RPS6KC1: variants seen among roughly 807,000 people sequenced by gnomAD.
RPS6KC1 encodes inactive ribosomal protein S6 kinase delta-1.
A neutral mutation model predicts 103.8 loss-of-function variants in RPS6KC1; 54 were observed. The observed-to-expected ratio is 0.52, with a 90% CI of 0.42 to 0.65. The LOEUF is 0.65. RPS6KC1 is among the 30% of genes least tolerant of loss of function. The probability of loss-of-function intolerance (pLI) is 0.00; values close to 1 mark genes in which losing one functional copy is unlikely to be tolerated. For missense variants in RPS6KC1, 1,151 were observed against 1,253.8 expected, an observed-to-expected ratio of 0.92 and a Z score of 1.24; for synonymous variants, 439 against 438.7, an observed-to-expected ratio of 1.00 and a Z score of -0.01.
chr1:213,674,457 C>A, the RPS6KC1 span, among the ~76,000 whole-genome samples: 3 of 152,180 alleles, frequency 2.0e-5, no homozygotes, highest in Non-Finnish European at 2.9e-5. Flanking sequence ...CATGTTGATG[C>A]AGAGGACATG....
intron 9 of RPS6KC1, 128 bp downstream of exon 9, chr1:213,230,672 T>G: frequency 4.1e-6 from 2 of 487,772 alleles, no homozygotes; most frequent in South Asian, 7.4e-5. Flanking sequence ...CCGTTTCTAC[T>G]AAAAATACAA....
In RPS6KC1 at chr1:213,126,678, TA is replaced by T. The variant is rs2085026820; in HGVS notation, c.473-2842del. ...AATGGTTTTTGCATTTTTAAATAGT[TA>T]AAAAAATTAAAAGAATATGATTTTG... is the stretch of plus-strand genomic sequence containing the variant. On this transcript the variant is annotated intron_variant, in intron 5 of 14. Coordinates refer to ENST00000366960, the MANE Select transcript of RPS6KC1 (RefSeq NM_012424.6). Among the ~76,000 whole-genome samples, 3 of 152,260 alleles carry T rather than the reference TA, an allele frequency of 2.0e-5. 1 individual carries two copies. In the South Asian group the frequency reaches 6.2e-4, roughly 32 times the overall value.
chr1:213,444,709 A>C, the RPS6KC1 span, among the ~76,000 whole-genome samples: 12 of 131,116 alleles, frequency 9.2e-5, no homozygotes, highest in Non-Finnish European at 1.1e-4. Context: ...GTGCCATTGC[A>C]CTCCAGCCTG....
chr1:213,760,799 G>A, the RPS6KC1 span, among the ~76,000 whole-genome samples: 1 of 151,160 alleles, frequency 6.6e-6, no homozygotes. Context: ...AGGCTGAGCA[G>A]GACAGAATTT....
At chr1:213,638,459 T>C in the RPS6KC1 span, among the ~76,000 whole-genome samples, 1 of 152,158 alleles carries the variant, frequency 6.6e-6, no homozygotes, top group African/African-American at 2.4e-5. Flanking sequence ...GATTTTCTCC[T>C]ATGTCTTCTT....
At chr1:213,752,028 A>G in the RPS6KC1 span, among the ~76,000 whole-genome samples, 1 of 152,230 alleles carries the variant, frequency 6.6e-6, no homozygotes, top group African/African-American at 2.4e-5. Flanking sequence ...GGTTAACTAT[A>G]TCTAACCCTT....
intron 8 of RPS6KC1, among the ~76,000 whole-genome samples, chr1:213,223,478 G>C (rs1448472511): frequency 6.6e-6 from 1 of 152,004 alleles, no homozygotes; most frequent in Non-Finnish European, 1.5e-5. Flanking sequence ...CCATTCCTGA[G>C]TTACTTCACT....
chr1:213,860,360 G>T, the RPS6KC1 span, among the ~76,000 whole-genome samples: 1 of 151,538 alleles, frequency 6.6e-6, no homozygotes, highest in African/African-American at 2.4e-5. Flanking sequence ...AACAATTTCG[G>T]ATCTACTCTT....
At chr1:213,743,047 A>G in the RPS6KC1 span, among the ~76,000 whole-genome samples, 1 of 152,228 alleles carries the variant, frequency 6.6e-6, no homozygotes, top group Non-Finnish European at 1.5e-5. Flanking sequence ...TATATATCCA[A>G]AAGAAAATAG....
the RPS6KC1 span, among the ~76,000 whole-genome samples, chr1:213,472,413 T>A: frequency 6.6e-6 from 1 of 152,234 alleles, no homozygotes; most frequent in African/African-American, 2.4e-5. Flanking sequence ...AGCTTGACAT[T>A]ACATTGGACC....
chr1:213,072,806 T>A (rs1254116736), intron 2 of RPS6KC1: 4 of 222,298 alleles, frequency 1.8e-5, no homozygotes, highest in Non-Finnish European at 3.0e-5. Context: ...ATGGGTGTAT[T>A]TCCTTTGAAT....
chr1:213,602,134 C>CTTTCTTTCTTTCTT, the RPS6KC1 span, among the ~76,000 whole-genome samples: 18 of 53,762 alleles, frequency 3.3e-4, no homozygotes, highest in Non-Finnish European at 4.2e-4. Flanking sequence ...TTCTTTCTTT[C>CTTTCTTTCTTTCTT]TTTCTTTCTT....
At chr1:213,290,693 A>G in the RPS6KC1 span, among the ~76,000 whole-genome samples, 1 of 151,918 alleles carries the variant, frequency 6.6e-6, no homozygotes, top group African/African-American at 2.4e-5. Flanking sequence ...TCTAGTTGTG[A>G]CAAGGGCAGA....
At chr1:213,143,130 A>G (rs1474023562) in intron 6 of RPS6KC1, among the ~76,000 whole-genome samples, 3 of 152,180 alleles carry the variant, frequency 2.0e-5, no homozygotes, top group Non-Finnish European at 2.9e-5. Context: ...CATCCTTAAC[A>G]TATTCTATGG....
the RPS6KC1 span, among the ~76,000 whole-genome samples, chr1:213,479,624 T>C: frequency 6.6e-6 from 1 of 150,726 alleles, no homozygotes; most frequent in African/African-American, 2.5e-5. Flanking sequence ...GAGATGATGT[T>C]AAAAATATGA....
chr1:213,137,714 C>G (rs1003755080), intron 6 of RPS6KC1, among the ~76,000 whole-genome samples: 2 of 117,894 alleles, frequency 1.7e-5, no homozygotes, highest in African/African-American at 6.4e-5. Context: ...TTTGTTTGTT[C>G]GTTTGTTTTT....
the RPS6KC1 span, among the ~76,000 whole-genome samples, chr1:213,614,118 A>G: frequency 6.6e-6 from 1 of 152,242 alleles, no homozygotes; most frequent in Admixed American, 6.5e-5. Context: ...CAGCTGCTTT[A>G]TCCGCAGCTA....
At chr1:213,855,057 G>A in the RPS6KC1 span, among the ~76,000 whole-genome samples, 1 of 152,180 alleles carries the variant, frequency 6.6e-6, no homozygotes, top group Non-Finnish European at 1.5e-5. Context: ...AGCAAGCTCT[G>A]GTGTGCCTTC....
At chr1:213,218,701 C>G (rs1240144849) in intron 8 of RPS6KC1, among the ~76,000 whole-genome samples, 1 of 152,140 alleles carries the variant, frequency 6.6e-6, no homozygotes. Flanking sequence ...GAACAGAGCC[C>G]TCAGAAATAA....
Sources: allele counts gnomAD v4.1 joint callset (sites outside exome capture counted in the v4.1 genomes callset), GRCh38; gene constraint gnomAD v4.1.1; transcripts MANE v1.5; gene names NCBI Gene and HGNC (gene_info 2026-07-23, HGNC 2026-07-21).